Variants in PRR16 observed in about 807,000 individuals in gnomAD.
PRR16 encodes proline rich 16.
In PRR16, 6 loss-of-function variants were observed where a neutral mutation model predicts 18.2. The observed-to-expected ratio is 0.33, with a 90% confidence interval of 0.18 to 0.65. The LOEUF (loss-of-function observed/expected upper bound fraction) is 0.65, where lower values mean the gene tolerates loss of function less well. PRR16 is among the 30% of genes least tolerant of loss of function. The probability of loss-of-function intolerance (pLI) is 0.74; values close to 1 mark genes in which losing one functional copy is unlikely to be tolerated. For synonymous variants in PRR16, 151 were observed against 147.8 expected, an observed-to-expected ratio of 1.02 and a Z score of -0.16; for missense variants, 412 against 376.6, an observed-to-expected ratio of 1.09 and a Z score of -0.78.
intron 1 of PRR16, among the ~76,000 whole-genome samples, chr5:120,522,912 G>A (rs1018472657): frequency 3.3e-5 from 5 of 152,006 alleles, no homozygotes; most frequent in Non-Finnish European, 4.4e-5. Flanking sequence ...CACCACACCC[G>A]GCCCAAAATC....
chr5:120,791,642 C>T, the PRR16 span, among the ~76,000 whole-genome samples: 1 of 149,180 alleles, frequency 6.7e-6, no homozygotes, highest in African/African-American at 2.5e-5. Context: ...TATCATCTAT[C>T]TATCTATCTA....
the PRR16 span, among the ~76,000 whole-genome samples, chr5:120,716,166 A>T: frequency 6.6e-6 from 1 of 152,092 alleles, no homozygotes; most frequent in East Asian, 1.9e-4. Flanking sequence ...CAGTTACTCA[A>T]CATATATTTA....
intron 1 of PRR16, among the ~76,000 whole-genome samples, chr5:120,496,433 G>A (rs1232160671): frequency 6.6e-6 from 1 of 151,954 alleles, no homozygotes; most frequent in African/African-American, 2.4e-5. Flanking sequence ...ATATGGTGAG[G>A]TAGTTTATGT....
the PRR16 span, among the ~76,000 whole-genome samples, chr5:120,701,905 T>A: frequency 9.2e-5 from 14 of 152,172 alleles, no homozygotes; most frequent in Non-Finnish European, 1.5e-5. Context: ...AAGTGCCATT[T>A]TCTGGCTATT....
At chr5:120,649,370 C>T (rs981932005) in intron 1 of PRR16, among the ~76,000 whole-genome samples, 5 of 152,132 alleles carry the variant, frequency 3.3e-5, no homozygotes, top group African/African-American at 1.2e-4. Flanking sequence ...CCACATGATT[C>T]ACTGTTAGGA....
At position 120,569,202 on chromosome 5, in the gene PRR16, A is replaced by G. The variant is rs1752828411; in HGVS notation, c.159+104557A>G. Reference sequence around the variant, plus strand: ...ATGACAGACTTTTAACCAATTGTTTACTGTATCGTCTGTAAGTATTAAGCC... The same window carrying G: ...ATGACAGACTTTTAACCAATTGTTTGCTGTATCGTCTGTAAGTATTAAGCC... On this transcript the variant is annotated intron_variant, in intron 1 of 1. Transcript: ENST00000407149. 2.0e-5 allele frequency among the ~76,000 whole-genome samples: 3 copies of G among 152,116 alleles called. No individual in the cohort carries two copies. The South Asian group carries it at 6.2e-4, about 32-fold the overall frequency.
chr5:120,780,830 T>C, the PRR16 span, among the ~76,000 whole-genome samples: 2 of 152,040 alleles, frequency 1.3e-5, no homozygotes, highest in Non-Finnish European at 2.9e-5. Flanking sequence ...GCGGGGGGAA[T>C]CGCGAGGTCA....
intron 1 of PRR16, among the ~76,000 whole-genome samples, chr5:120,675,470 A>G (rs1226445211): frequency 6.6e-6 from 1 of 152,098 alleles, no homozygotes; most frequent in Non-Finnish European, 1.5e-5. Context: ...ATTACTTCTC[A>G]CTTCCACTTT....
chr5:120,477,605 C>G (rs1749483458), intron 1 of PRR16, among the ~76,000 whole-genome samples: 1 of 152,184 alleles, frequency 6.6e-6, no homozygotes. Context: ...TTAAACCTTT[C>G]TCAGCATTAT....
intron 1 of PRR16, among the ~76,000 whole-genome samples, chr5:120,493,548 C>T (rs1750138201): frequency 6.6e-6 from 1 of 151,934 alleles, no homozygotes; most frequent in Admixed American, 6.6e-5. Context: ...ACCCAATTTC[C>T]TCCAGTGGTA....
intron 1 of PRR16, among the ~76,000 whole-genome samples, chr5:120,589,369 T>A (rs1474305108): frequency 6.6e-6 from 1 of 152,110 alleles, no homozygotes; most frequent in African/African-American, 2.4e-5. Flanking sequence ...CTATTAACAT[T>A]TGCTATAACA....
At chr5:120,551,153 A>C (rs1378283541) in intron 1 of PRR16, among the ~76,000 whole-genome samples, 1 of 151,860 alleles carries the variant, frequency 6.6e-6, no homozygotes, top group Non-Finnish European at 1.5e-5. Context: ...GAACTTATGC[A>C]CCCTTTGAAC....
chr5:120,696,283 A>G, the PRR16 span, among the ~76,000 whole-genome samples: 1 of 152,098 alleles, frequency 6.6e-6, no homozygotes, highest in African/African-American at 2.4e-5. Context: ...TAATGAGTAC[A>G]ACACAGGTAA....
intron 1 of PRR16, among the ~76,000 whole-genome samples, chr5:120,597,683 T>C (rs1449872166): frequency 6.6e-6 from 1 of 151,794 alleles, no homozygotes; most frequent in African/African-American, 2.4e-5. Context: ...GTAACAATGT[T>C]ATATTTCCTT....
At chr5:120,742,558 A>G in the PRR16 span, among the ~76,000 whole-genome samples, 2 of 151,982 alleles carry the variant, frequency 1.3e-5, no homozygotes, top group East Asian at 1.9e-4. Context: ...TAATTTCACA[A>G]AAGAGATTAA....
intron 1 of PRR16, among the ~76,000 whole-genome samples, chr5:120,536,973 A>G (rs1287262128): frequency 6.6e-6 from 1 of 152,228 alleles, no homozygotes; most frequent in Non-Finnish European, 1.5e-5. Flanking sequence ...TTTCTCACTT[A>G]TAAGCGGGAG....
intron 1 of PRR16, among the ~76,000 whole-genome samples, chr5:120,524,878 G>C (rs1170933643): frequency 6.6e-6 from 1 of 151,976 alleles, no homozygotes; most frequent in Non-Finnish European, 1.5e-5. Context: ...CATTTGAAAT[G>C]GCTGGCAAAA....
At chr5:120,698,218 T>C in the PRR16 span, among the ~76,000 whole-genome samples, 1 of 151,658 alleles carries the variant, frequency 6.6e-6, no homozygotes. Context: ...TGAAGGAAGA[T>C]TTTGTGGTAA....
intron 1 of PRR16, among the ~76,000 whole-genome samples, chr5:120,560,019 T>C (rs1489570761): frequency 6.6e-6 from 1 of 151,968 alleles, no homozygotes; most frequent in Non-Finnish European, 1.5e-5. Flanking sequence ...TGTTGATCAG[T>C]TCTAATATTT....
Sources: gnomAD v4.1 joint callset for allele counts (sites outside exome capture counted in the v4.1 genomes callset) on GRCh38, gnomAD v4.1.1 for gene constraint, MANE v1.5 for transcripts, NCBI Gene and HGNC (gene_info 2026-07-23, HGNC 2026-07-21) for gene names.